Variants in RPS6KA2 observed in about 807,000 individuals in gnomAD.
RPS6KA2 encodes ribosomal protein S6 kinase A2.
Under a neutral mutation model 91.8 loss-of-function variants are expected in RPS6KA2, and 42 were observed. The ratio of observed to expected loss-of-function variants is 0.46; its 90% CI spans 0.36 to 0.59. RPS6KA2 has a LOEUF of 0.59. Ranked by LOEUF, RPS6KA2 falls within the 20% of genes least tolerant of loss-of-function variation. The pLI, the probability that RPS6KA2 is intolerant of heterozygous loss-of-function variation, is 0.00. For synonymous variants in RPS6KA2, 414 were observed against 393.6 expected (o/e 1.05, Z -0.61); for missense variants, 798 against 978.5 (o/e 0.82, Z 2.46).
intron 2 of RPS6KA2, among the ~76,000 whole-genome samples, chr6:166,661,292 G>T (rs1788155988): frequency 6.6e-6 from 1 of 152,062 alleles, no homozygotes; most frequent in African/African-American, 2.4e-5. Flanking sequence ...ATAGAGACAG[G>T]GTTTACCACG....
intron 8 of RPS6KA2, among the ~76,000 whole-genome samples, chr6:166,496,815 A>C (rs1229409905): frequency 6.6e-6 from 1 of 152,200 alleles, no homozygotes; most frequent in Non-Finnish European, 1.5e-5. Context: ...TGGGGTTCTC[A>C]GGAGGGGGTT....
chr6:166,617,628 C>G (rs1015814941), intron 1 of RPS6KA2, among the ~76,000 whole-genome samples: 1 of 152,138 alleles, frequency 6.6e-6, no homozygotes, highest in Non-Finnish European at 1.5e-5. Context: ...CACTTTTTGT[C>G]TGCATTTTAA....
intron 16 of RPS6KA2, among the ~76,000 whole-genome samples, chr6:166,428,024 T>G (rs529347340): frequency 8.6e-5 from 13 of 151,734 alleles, no homozygotes; most frequent in South Asian, 6.2e-4. Flanking sequence ...GAACAAAGCT[T>G]GAGGCATCAC....
rs1224134364 is a variant in RPS6KA2, at chr6:166,554,557, C to G, written c.100-15773G>C. 1.3e-5 allele frequency among the ~76,000 whole-genome samples: 2 copies of G among 152,172 alleles called. No individual in the cohort carries two copies. Among genetic ancestry groups the G allele is most frequent in the African/African-American group, 2.4e-5 (1 of 41,434 alleles). Reference sequence around the variant, plus strand: ...AGAGAGAAACATTCAGGGACAAAACCTAAGTCACGAGGTCTGATGCGATGT... The same window carrying G: ...AGAGAGAAACATTCAGGGACAAAACGTAAGTCACGAGGTCTGATGCGATGT... On this transcript the variant is annotated intron_variant, in intron 1 of 20. Coordinates refer to ENST00000265678, the MANE Select transcript of RPS6KA2 (RefSeq NM_021135.6). The surrounding 1 kb of genome is among the most constrained non-coding windows in gnomAD (Gnocchi z 4.3).
upstream of RPS6KA2, among the ~76,000 whole-genome samples, chr6:166,631,119 C>T (rs1787061456): frequency 6.6e-6 from 1 of 152,166 alleles, no homozygotes; most frequent in Non-Finnish European, 1.5e-5. Flanking sequence ...ACACCTGTGC[C>T]CTCAGTTTAA....
rs1284639281 is a variant in RPS6KA2, at chr6:166,494,813, C to A, written c.747+3695G>T. Among the ~76,000 whole-genome samples the A allele has an allele frequency of 6.6e-6, 1 of 152,200 alleles. No homozygotes were observed. Among genetic ancestry groups the A allele is most frequent in the African/African-American group, 2.4e-5 (1 of 41,444 alleles). On this transcript the variant is annotated intron_variant, in intron 8 of 20. Transcript: ENST00000265678. The surrounding 1 kb of genome is among the most constrained non-coding windows in gnomAD (Gnocchi z 5.1). ...ACATCCACCTCCAGGGGACGGACGG[C>A]CACCCACACATGAGGACCACTCCCT...
At chr6:166,502,055 C>T (rs1050391822) in intron 6 of RPS6KA2, among the ~76,000 whole-genome samples, 20 of 152,108 alleles carry the variant, frequency 1.3e-4, no homozygotes, top group African/African-American at 4.3e-4. Flanking sequence ...ATGGCGGGTG[C>T]CGGGGGCTGG....
At chr6:166,556,767 C>T (rs537319626) in intron 1 of RPS6KA2, among the ~76,000 whole-genome samples, 12 of 152,294 alleles carry the variant, frequency 7.9e-5, no homozygotes, top group African/African-American at 2.4e-4. Context: ...AATCGGGCGT[C>T]GTTATTCTAG....
Position 166,731,441 on chromosome 6 carries a change from G to T in RPS6KA2, c.123+126759C>A, listed in dbSNP as rs140056537. ...CAAGTAGCTGATTTATGATTAAAAGGGGGAAGGAGGGGCGTGGTGGGGGCG... is the reference window on the plus strand; with the variant it reads ...CAAGTAGCTGATTTATGATTAAAAGTGGGAAGGAGGGGCGTGGTGGGGGCG... On this transcript the variant is annotated intron_variant, in intron 2 of 21. Transcript: ENST00000503859. 2.7e-3 allele frequency among the ~76,000 whole-genome samples: 412 copies of T among 151,604 alleles called. 3 individuals carry two copies. The highest frequency in any genetic ancestry group is 9.7e-3 in the African/African-American group (398 of 40,948).
At chr6:166,779,723 C>T (rs1327044145) in intron 2 of RPS6KA2, among the ~76,000 whole-genome samples, 15 of 152,124 alleles carry the variant, frequency 9.9e-5, no homozygotes, top group Admixed American at 9.8e-4. Context: ...CTCAACTCAT[C>T]CTCCTCTCAC....
intron 1 of RPS6KA2, among the ~76,000 whole-genome samples, chr6:166,617,386 C>T (rs1026899696): frequency 6.6e-6 from 1 of 152,012 alleles, no homozygotes; most frequent in African/African-American, 2.4e-5. Flanking sequence ...CAAAGTTGTT[C>T]GGGGATTTTT....
rs114732679 is a variant in RPS6KA2 at position 166,717,303 on chromosome 6, C to T, written c.123+140897G>A. ...TCTGGGATCATTGCTGTGTATTCCC[C>T]GCAACAGAGAGCTGCAGAATGGCCC... On this transcript the variant is annotated intron_variant, in intron 2 of 21. Transcript: ENST00000503859. Among the ~76,000 whole-genome samples, 609 of 152,224 alleles carry T rather than the reference C, an allele frequency of 4.0e-3. 4 individuals are homozygous for T. Among genetic ancestry groups the T allele is most frequent in the African/African-American group, 0.014 (579 of 41,536 alleles).
At chr6:166,765,249 A>G (rs998481775) in intron 2 of RPS6KA2, among the ~76,000 whole-genome samples, 17 of 152,326 alleles carry the variant, frequency 1.1e-4, no homozygotes, top group Middle Eastern at 3.4e-3. Context: ...CCACAAAGCC[A>G]AGTGCCATGA....
At chr6:166,740,872 G>A (rs1220488967) in intron 2 of RPS6KA2, among the ~76,000 whole-genome samples, 15 of 152,258 alleles carry the variant, frequency 9.9e-5, no homozygotes, top group Admixed American at 2.0e-4. Context: ...CATGCATTGC[G>A]TGGGCAAAAC....
intron 1 of RPS6KA2, among the ~76,000 whole-genome samples, chr6:166,544,108 AG>A (rs1302220437): frequency 2.6e-5 from 4 of 152,190 alleles, no homozygotes; most frequent in African/African-American, 9.7e-5. Context: ...GCTCTAACAC[AG>A]GGTTTGGCCT....
chr6:166,595,980 A>T (rs1451542228), intron 1 of RPS6KA2, among the ~76,000 whole-genome samples: 1 of 152,220 alleles, frequency 6.6e-6, no homozygotes, highest in East Asian at 1.9e-4. Context: ...GCTTAAAATA[A>T]GATACACAAG....
At chr6:166,786,015 T>G (rs1396315947) in intron 2 of RPS6KA2, among the ~76,000 whole-genome samples, 1 of 152,226 alleles carries the variant, frequency 6.6e-6, no homozygotes, top group Non-Finnish European at 1.5e-5. Context: ...TTCTGACAAA[T>G]GTGACCAGAA....
Position 166,412,822 on chromosome 6 carries a change from C to A in RPS6KA2, c.2142G>T (p.Val714=). 6.3e-7 allele frequency: 1 copy of A among 1,584,018 alleles called. No individual in the cohort carries two copies. The change falls in exon 21 of 21, where the codon GTG becomes GTT. Residue 714 remains valine (V), a synonymous_variant. Coordinates refer to ENST00000265678, the MANE Select transcript of RPS6KA2 (RefSeq NM_021135.6). This position sits in a 1 kb window ranked among gnomAD's most constrained non-coding sequence, Gnocchi z 4.3. ...TGCGCTGAGCCAGGTTGGATGACAG[C>A]ACGGGCTCCAGCCGCGGGGCCTGAG... The part of the protein sequence containing the change: ...RTPQAPRLEP[V]LSSNLAQRRG...
At chr6:166,727,613 G>A (rs2128587563) in intron 2 of RPS6KA2, among the ~76,000 whole-genome samples, 1 of 152,024 alleles carries the variant, frequency 6.6e-6, no homozygotes, top group East Asian at 1.9e-4. Flanking sequence ...GCACTCTAAT[G>A]TACCAGCACC....
Sources: gnomAD v4.1 joint callset for allele counts (sites outside exome capture counted in the v4.1 genomes callset) on GRCh38, gnomAD v4.1.1 for gene constraint, Gnocchi (gnomAD v3.1) non-coding constraint, MANE v1.5 for transcripts, NCBI Gene and HGNC (gene_info 2026-07-23, HGNC 2026-07-21) for gene names.